Variants in SUMF1 observed in about 807,000 individuals in gnomAD.
SUMF1 encodes sulfatase modifying factor 1, also known as formylglycine-generating enzyme.
SUMF1 carries 48 observed loss-of-function variants against 47.6 expected under a neutral mutation model. That is an observed-to-expected ratio of 1.01 (90% CI 0.80 to 1.28). The LOEUF (loss-of-function observed/expected upper bound fraction) is 1.28, where lower values mean the gene tolerates loss of function less well. SUMF1 is among the 50% of genes most tolerant of loss of function. SUMF1 has a pLI of 0.00. For missense variants in SUMF1, 571 were observed against 485.4 expected, an observed-to-expected ratio of 1.18 and a Z score of -1.66; for synonymous variants, 230 against 192.1, an observed-to-expected ratio of 1.20 and a Z score of -1.63.
intron 3 of SUMF1, among the ~76,000 whole-genome samples, chr3:4,445,007 G>A (rs925308615): frequency 3.3e-5 from 5 of 152,144 alleles, no homozygotes; most frequent in African/African-American, 1.2e-4. Context: ...CTAGGACTCA[G>A]GACAGTTGCT....
intron 8 of SUMF1, among the ~76,000 whole-genome samples, chr3:4,095,059 TAAATAG>T (rs896699834): frequency 6.6e-6 from 1 of 152,168 alleles, no homozygotes; most frequent in African/African-American, 2.4e-5. Context: ...AAGGCATTTC[TAAATAG>T]AAATAGGATA....
At chr3:4,439,381 C>A (rs767977400) in intron 3 of SUMF1, among the ~76,000 whole-genome samples, 1 of 152,018 alleles carries the variant, frequency 6.6e-6, no homozygotes, top group South Asian at 2.1e-4. Context: ...AAAAATTAGC[C>A]GGGTGTGGTG....
intron 8 of SUMF1, among the ~76,000 whole-genome samples, chr3:4,265,413 A>G (rs549208577): frequency 3.4e-4 from 51 of 152,236 alleles, no homozygotes; most frequent in East Asian, 1.3e-3. Context: ...TTTTTTTGGC[A>G]ACAATGATCA....
intron 7 of SUMF1, among the ~76,000 whole-genome samples, chr3:4,377,257 T>C (rs1277266027): frequency 6.6e-6 from 1 of 152,084 alleles, no homozygotes; most frequent in East Asian, 1.9e-4. Context: ...AGTGCACAGT[T>C]CCAGTGAGTT....
In SUMF1 at chr3:4,258,499, A is replaced by G. The variant is rs1425822393; in HGVS notation, c.1014+117831T>C. Among the ~76,000 whole-genome samples the G allele has an allele frequency of 4.0e-5, 6 of 148,818 alleles. No individual in the cohort carries two copies. In the East Asian group the frequency reaches 1.2e-3, roughly 29 times the overall value. ...AAAGAAGACATTTATGCAGCCAAAA[A>G]ACACATGAAAAAATGCTCATCATCA... is the stretch of plus-strand genomic sequence containing the variant. On this transcript the variant is annotated intron_variant and NMD_transcript_variant, in intron 8 of 12. Coordinates refer to the SUMF1 transcript ENST00000448413.
chr3:4,367,917 T>C (rs1412952114), intron 8 of SUMF1, among the ~76,000 whole-genome samples: 2 of 151,908 alleles, frequency 1.3e-5, no homozygotes, highest in South Asian at 4.2e-4. Context: ...ATTCAGGACA[T>C]AGGCATGGGC....
At chr3:4,287,964 T>C (rs765608625) in intron 8 of SUMF1, among the ~76,000 whole-genome samples, 6 of 152,198 alleles carry the variant, frequency 3.9e-5, no homozygotes, top group Admixed American at 3.9e-4. Flanking sequence ...CTGACATCCA[T>C]ACTTCTCTTC....
chr3:4,257,114 A>C (rs1696973256), intron 8 of SUMF1, among the ~76,000 whole-genome samples: 1 of 93,550 alleles, frequency 1.1e-5, no homozygotes, highest in African/African-American at 5.7e-5. Flanking sequence ...CGTATCTCAA[A>C]ATAATAAGAG....
intron 8 of SUMF1, among the ~76,000 whole-genome samples, chr3:4,119,713 AACACAC>A (rs144771849): frequency 6.0e-5 from 9 of 149,020 alleles, no homozygotes; most frequent in Admixed American, 2.7e-4. Flanking sequence ...CACATACACA[AACACAC>A]ACACACACAC....
At chr3:4,395,590 C>G (rs777330685) in intron 7 of SUMF1, among the ~76,000 whole-genome samples, 25 of 152,114 alleles carry the variant, frequency 1.6e-4, no homozygotes, top group Non-Finnish European at 4.4e-5. Context: ...TTAACAACCT[C>G]CACTGTATTT....
intron 8 of SUMF1, among the ~76,000 whole-genome samples, chr3:4,226,324 C>T (rs1443078600): frequency 7.8e-6 from 1 of 127,648 alleles, no homozygotes; most frequent in African/African-American, 3.1e-5. Context: ...GGCTGGAGTG[C>T]AGTAGCATGA....
intron 8 of SUMF1, among the ~76,000 whole-genome samples, chr3:4,205,309 T>C (rs1032489920): frequency 1.3e-5 from 2 of 152,116 alleles, no homozygotes; most frequent in Admixed American, 6.6e-5. Flanking sequence ...CCAAAACCTA[T>C]AAGAACTAAT....
chr3:4,313,054 A>G, intron 8 of SUMF1: 2 of 1,613,998 alleles, frequency 1.2e-6, no homozygotes, highest in Non-Finnish European at 1.7e-6. Context: ...CCTTAGAGAT[A>G]TAGGATCTGG....
chr3:4,163,363 A>AAAGGAAGGAAGGAAGGAAGAACG (rs375774371), intron 8 of SUMF1, among the ~76,000 whole-genome samples: 1 of 31,522 alleles, frequency 3.2e-5, no homozygotes, highest in African/African-American at 1.4e-4. Flanking sequence ...AGAGAGAGAG[A>AAAGGAAGGAAGGAAGGAAGAACG]AAGGAAGGAA....
At chr3:4,462,922 G>C (rs1232515623) in intron 1 of SUMF1, among the ~76,000 whole-genome samples, 1 of 152,170 alleles carries the variant, frequency 6.6e-6, no homozygotes, top group Non-Finnish European at 1.5e-5. Flanking sequence ...TTAAGCCTCA[G>C]TTGCCTCATC....
intron 8 of SUMF1, among the ~76,000 whole-genome samples, chr3:4,175,935 A>G (rs1484270648): frequency 6.6e-6 from 1 of 152,192 alleles, no homozygotes; most frequent in Admixed American, 6.5e-5. Flanking sequence ...AAGAAAGGGT[A>G]TCAGTGAATG....
At chr3:4,449,364 A>G in intron 2 of SUMF1, 24 bp from the exon 3 acceptor site, 1 of 1,613,000 alleles carries the variant, frequency 6.2e-7, no homozygotes, top group Non-Finnish European at 8.5e-7. Flanking sequence ...AGGAAATAAA[A>G]ATCCAGAAAA....
chr3:4,231,355 C>T (rs143433746), intron 8 of SUMF1, among the ~76,000 whole-genome samples: 230 of 152,162 alleles, frequency 1.5e-3, no homozygotes, highest in African/African-American at 5.3e-3. Context: ...TTTTTAAATG[C>T]AACGACCTTA....
intron 8 of SUMF1, among the ~76,000 whole-genome samples, chr3:4,163,167 C>A (rs901297405): frequency 6.6e-6 from 1 of 151,728 alleles, no homozygotes; most frequent in Non-Finnish European, 1.5e-5. Flanking sequence ...AATGTAGCCT[C>A]CACTCTTCTC....
Sources: allele counts gnomAD v4.1 joint callset (sites outside exome capture counted in the v4.1 genomes callset), GRCh38; gene constraint gnomAD v4.1.1; transcripts MANE v1.5; gene names NCBI Gene and HGNC (gene_info 2026-07-23, HGNC 2026-07-21).